The following CDH13 variants were observed in gnomAD, a reference collection of about 807,000 sequenced individuals.
The protein encoded by CDH13 is cadherin 13, also known as cadherin-13.
In CDH13, 24 loss-of-function variants were observed where a neutral mutation model predicts 63.8. The ratio of observed to expected loss-of-function variants is 0.38; its 90% CI spans 0.27 to 0.53. The LOEUF is 0.53. CDH13 is among the 20% of genes least tolerant of loss of function. CDH13 has a pLI of 0.85. For synonymous variants in CDH13, 503 were observed against 355.3 expected, an observed-to-expected ratio of 1.42 and a Z score of -4.67; for missense variants, 1,049 against 903.1, an observed-to-expected ratio of 1.16 and a Z score of -2.07.
chr16:83,624,350 G>A (rs888817767), intron 8 of CDH13, among the ~76,000 whole-genome samples: 2 of 138,398 alleles, frequency 1.4e-5, no homozygotes, highest in African/African-American at 2.6e-5. Context: ...CCCCACCCCT[G>A]CCCCAGGTCA....
At chr16:83,035,970 C>G (rs1916813540) in intron 3 of CDH13, among the ~76,000 whole-genome samples, 1 of 152,106 alleles carries the variant, frequency 6.6e-6, no homozygotes, top group African/African-American at 2.4e-5. Flanking sequence ...TTCATCCTCA[C>G]AACAGTATGC....
chr16:83,495,123 A>G (rs2074104896), intron 7 of CDH13, among the ~76,000 whole-genome samples: 1 of 152,222 alleles, frequency 6.6e-6, no homozygotes, highest in Non-Finnish European at 1.5e-5. Context: ...TGAACCAAAT[A>G]TGAGTGACCA....
chr16:82,801,332 C>A (rs890404288), intron 1 of CDH13, among the ~76,000 whole-genome samples: 5 of 152,212 alleles, frequency 3.3e-5, no homozygotes, highest in Non-Finnish European at 7.3e-5. Flanking sequence ...TCTATCTAAC[C>A]TCCTGGCTTG....
At chr16:82,629,494 G>A (rs759786592) in intron 1 of CDH13, among the ~76,000 whole-genome samples, 102 of 152,316 alleles carry the variant, frequency 6.7e-4, no homozygotes, top group Non-Finnish European at 7.3e-4. Flanking sequence ...AGTCTTCGAG[G>A]CCTTGAGTCG....
intron 1 of CDH13, among the ~76,000 whole-genome samples, chr16:82,845,542 C>G (rs181196847): frequency 2.8e-4 from 43 of 152,236 alleles, no homozygotes; most frequent in African/African-American, 9.9e-4. Context: ...GATGACAGAC[C>G]TATTCATTTA....
intron 2 of CDH13, among the ~76,000 whole-genome samples, chr16:82,950,752 C>G (rs1905207543): frequency 1.3e-5 from 2 of 151,684 alleles, no homozygotes; most frequent in Non-Finnish European, 2.9e-5. Flanking sequence ...AACTTGATTA[C>G]CTCTGTAAAG....
intron 6 of CDH13, among the ~76,000 whole-genome samples, chr16:83,458,202 A>G (rs1431852420): frequency 6.6e-6 from 1 of 152,128 alleles, no homozygotes; most frequent in Non-Finnish European, 1.5e-5. Flanking sequence ...GCTGGCTCCA[A>G]CTCAAGATCT....
Position 82,650,509 on chromosome 16 carries a change from A to G in CDH13, c.45+23372A>G, listed in dbSNP as rs75236466. ...ATGAGAAGTCCTAAAAGCCTCATTA[A>G]CCCAACCACTTAGGCTTTCTGAGTG... On this transcript the variant is annotated intron_variant, in intron 1 of 13. Coordinates refer to ENST00000567109, the MANE Select transcript of CDH13 (RefSeq NM_001257.5). Among the ~76,000 whole-genome samples, 706 of 152,234 alleles carry G rather than the reference A, an allele frequency of 4.6e-3. 5 individuals carry two copies. Among genetic ancestry groups the G allele is most frequent in the African/African-American group, 0.016 (668 of 41,528 alleles).
intron 5 of CDH13, among the ~76,000 whole-genome samples, chr16:83,263,872 G>A (rs1214798466): frequency 6.6e-6 from 1 of 151,990 alleles, no homozygotes; most frequent in Non-Finnish European, 1.5e-5. Flanking sequence ...ACTTGCCACT[G>A]AGGCTGAATT....
chr16:83,325,330 A>C (rs2090336472), intron 5 of CDH13, among the ~76,000 whole-genome samples: 1 of 152,214 alleles, frequency 6.6e-6, no homozygotes, highest in Non-Finnish European at 1.5e-5. Flanking sequence ...AATTAGTTTA[A>C]GAGGCCTCAG....
chr16:83,246,423 A>G (rs1186548811), intron 5 of CDH13, among the ~76,000 whole-genome samples: 1 of 152,038 alleles, frequency 6.6e-6, no homozygotes. Flanking sequence ...CAGAAGCCTC[A>G]TTTTGATTTT....
intron 8 of CDH13, among the ~76,000 whole-genome samples, chr16:83,606,795 C>A (rs1908379802): frequency 6.7e-6 from 1 of 150,300 alleles, no homozygotes; most frequent in South Asian, 2.1e-4. Flanking sequence ...TATCAATTTC[C>A]CAGGTTCCCC....
chr16:82,787,027 G>C (rs12932553), intron 1 of CDH13, among the ~76,000 whole-genome samples: 24,137 of 152,064 alleles, frequency 0.16, 2,377 homozygotes, highest in East Asian at 0.51. Flanking sequence ...AGTGAGTCTT[G>C]GCTCTACTTA....
intron 4 of CDH13, among the ~76,000 whole-genome samples, chr16:83,158,310 C>G (rs2037302471): frequency 6.6e-6 from 1 of 152,228 alleles, no homozygotes; most frequent in African/African-American, 2.4e-5. Flanking sequence ...TGCTGCCTCT[C>G]TGAATGTTGT....
intron 8 of CDH13, among the ~76,000 whole-genome samples, chr16:83,647,571 G>C (rs1911953519): frequency 6.6e-6 from 1 of 152,094 alleles, no homozygotes; most frequent in East Asian, 1.9e-4. Flanking sequence ...TTATGAGCTG[G>C]GCTTCTGCAA....
chr16:82,728,099 G>C lies in CDH13; in HGVS notation c.45+100962G>C, dbSNP rs57669725. 1.9e-3 allele frequency among the ~76,000 whole-genome samples: 295 copies of C among 152,176 alleles called. 1 individual carries two copies. The highest frequency in any genetic ancestry group is 7.0e-3 in the African/African-American group (291 of 41,522). ...GGTAATATGAATACCTTATTTATAG[G>C]GCTGCTGTGAGAATCAATATTTGTA... is the stretch of plus-strand genomic sequence containing the variant. On this transcript the variant is annotated intron_variant, in intron 1 of 13. Transcript: ENST00000567109.
chr16:82,997,730 A>C (rs965294271), intron 2 of CDH13, among the ~76,000 whole-genome samples: 1 of 152,190 alleles, frequency 6.6e-6, no homozygotes, highest in African/African-American at 2.4e-5. Flanking sequence ...GAGCTCAGCT[A>C]TATCTAACAT....
intron 4 of CDH13, among the ~76,000 whole-genome samples, chr16:83,177,795 C>T (rs2038188422): frequency 6.6e-6 from 1 of 152,104 alleles, no homozygotes; most frequent in South Asian, 2.1e-4. Flanking sequence ...AATTGAGTTC[C>T]CCTTATTGTG....
At chr16:82,845,564 C>A (rs1242209431) in intron 1 of CDH13, among the ~76,000 whole-genome samples, 1 of 152,176 alleles carries the variant, frequency 6.6e-6, no homozygotes, top group Non-Finnish European at 1.5e-5. Context: ...TGTTTCCCAT[C>A]TTTTGTCTCT....
Sources: allele counts gnomAD v4.1 joint callset (sites outside exome capture counted in the v4.1 genomes callset), GRCh38; gene constraint gnomAD v4.1.1; transcripts MANE v1.5; gene names NCBI Gene and HGNC (gene_info 2026-07-23, HGNC 2026-07-21).